CMSS1: variants seen among roughly 807,000 people sequenced by gnomAD.
CMSS1 encodes the protein cms1 ribosomal small subunit homolog, also known as protein CMSS1.
A neutral mutation model predicts 43.5 loss-of-function variants in CMSS1; 33 were observed. The ratio of observed to expected loss-of-function variants is 0.76; its 90% CI spans 0.57 to 1.01. CMSS1 has a LOEUF of 1.01. Ranked by LOEUF, CMSS1 falls within the 50% of genes least tolerant of loss-of-function variation. The probability of loss-of-function intolerance (pLI) is 0.00; values close to 1 mark genes in which losing one functional copy is unlikely to be tolerated. For synonymous variants in CMSS1, 115 were observed against 117.2 expected (o/e 0.98, Z 0.12); for missense variants, 313 against 326.4 (o/e 0.96, Z 0.32).
chr3:100,155,104 C>A (rs954117734), intron 2 of CMSS1, among the ~76,000 whole-genome samples: 1 of 152,164 alleles, frequency 6.6e-6, no homozygotes, highest in African/African-American at 2.4e-5. Context: ...CTTGACTTAT[C>A]GATTTCTGAC....
chr3:100,171,227 CT>C (rs1353203719), intron 6 of CMSS1, among the ~76,000 whole-genome samples: 1 of 151,864 alleles, frequency 6.6e-6, no homozygotes, highest in African/African-American at 2.4e-5. Context: ...CCCTTCCTTC[CT>C]TCCTTCTTTT....
intron 1 of CMSS1, among the ~76,000 whole-genome samples, chr3:99,897,762 G>T (rs1706305832): frequency 6.6e-6 from 1 of 152,096 alleles, no homozygotes; most frequent in African/African-American, 2.4e-5. Context: ...GACCAGATGG[G>T]GATGTCCAGG....
intron 1 of CMSS1, among the ~76,000 whole-genome samples, chr3:99,835,247 A>G (rs1385670063): frequency 6.6e-6 from 1 of 152,226 alleles, no homozygotes; most frequent in Non-Finnish European, 1.5e-5. Context: ...AGGCCCACTC[A>G]CATGTCCTTT....
chr3:99,833,286 A>G (rs765200189), intron 1 of CMSS1: 71 of 1,595,234 alleles, frequency 4.5e-5, no homozygotes, highest in Non-Finnish European at 6.0e-5. Flanking sequence ...AAAGAAGAGG[A>G]GTAAATTTGT....
chr3:100,072,855 C>T (rs543632099), intron 1 of CMSS1, among the ~76,000 whole-genome samples: 1 of 152,148 alleles, frequency 6.6e-6, no homozygotes, highest in Non-Finnish European at 1.5e-5. Flanking sequence ...TCTCCTTCCC[C>T]CATAAACTAC....
chr3:100,051,396 T>A (rs1181307352), intron 1 of CMSS1: 2 of 151,984 alleles, frequency 1.3e-5, no homozygotes, highest in Admixed American at 1.3e-4. Context: ...AGGGTACATG[T>A]GCACAATGTG....
At chr3:99,984,762 G>T (rs757423423) in intron 1 of CMSS1, among the ~76,000 whole-genome samples, 1 of 152,156 alleles carries the variant, frequency 6.6e-6, no homozygotes, top group Non-Finnish European at 1.5e-5. Flanking sequence ...TCAGAATTCT[G>T]CCTGGTTGAG....
intron 1 of CMSS1, among the ~76,000 whole-genome samples, chr3:99,844,793 C>A (rs1256285290): frequency 6.6e-6 from 1 of 152,142 alleles, no homozygotes; most frequent in African/African-American, 2.4e-5. Context: ...TCTTGTGATA[C>A]TGAGGGAGTT....
chr3:99,929,010 T>C (rs1253474143), intron 1 of CMSS1, among the ~76,000 whole-genome samples: 1 of 152,222 alleles, frequency 6.6e-6, no homozygotes, highest in East Asian at 1.9e-4. Context: ...AGGTCAGTCC[T>C]GAGGTAGGTT....
intron 1 of CMSS1, among the ~76,000 whole-genome samples, chr3:100,116,708 C>T (rs964259220): frequency 4.6e-5 from 7 of 152,160 alleles, no homozygotes; most frequent in African/African-American, 1.7e-4. Flanking sequence ...AATCTAACAC[C>T]ATAGACATAA....
intron 1 of CMSS1, among the ~76,000 whole-genome samples, chr3:100,052,056 T>G (rs1290097911): frequency 1.3e-5 from 2 of 152,002 alleles, no homozygotes; most frequent in East Asian, 3.8e-4. Context: ...TGATCTATAT[T>G]ATTATGTCAT....
chr3:100,018,538 A>AT (rs1710410515), intron 1 of CMSS1, among the ~76,000 whole-genome samples: 1 of 152,138 alleles, frequency 6.6e-6, no homozygotes, highest in Admixed American at 6.6e-5. Context: ...ATCTCACACC[A>AT]TCTACGAAAA....
At chr3:100,078,566 C>G (rs965304809) in intron 1 of CMSS1, among the ~76,000 whole-genome samples, 1 of 151,858 alleles carries the variant, frequency 6.6e-6, no homozygotes, top group Admixed American at 6.6e-5. Flanking sequence ...TAAAATACAC[C>G]AACACTAGCG....
intron 1 of CMSS1, among the ~76,000 whole-genome samples, chr3:100,100,663 C>T (rs931404611): frequency 6.6e-6 from 1 of 152,144 alleles, no homozygotes; most frequent in African/African-American, 2.4e-5. Flanking sequence ...AATGAAAATA[C>T]AGTAAATGAA....
At chr3:100,008,483 C>T (rs1445425604) in intron 1 of CMSS1, among the ~76,000 whole-genome samples, 1 of 152,140 alleles carries the variant, frequency 6.6e-6, no homozygotes, top group Non-Finnish European at 1.5e-5. Context: ...TTCTCATTCT[C>T]CAGGACTTCT....
intron 7 of CMSS1, 150 bp downstream of exon 7, chr3:100,172,049 T>A: frequency 1.5e-6 from 1 of 676,274 alleles, no homozygotes; most frequent in Non-Finnish European, 2.5e-6. Flanking sequence ...TTAAATTCTA[T>A]GCTTCTGCAT....
chr3:100,049,081 G>GA (rs956701491), intron 1 of CMSS1, among the ~76,000 whole-genome samples: 2 of 152,078 alleles, frequency 1.3e-5, no homozygotes, highest in Admixed American at 6.6e-5. Flanking sequence ...AATTTAACTG[G>GA]AAAAAAACTG....
chr3:100,174,685 C>T (rs1356601576), intron 8 of CMSS1, among the ~76,000 whole-genome samples: 1 of 152,136 alleles, frequency 6.6e-6, no homozygotes, highest in African/African-American at 2.4e-5. Context: ...ACACCAATAG[C>T]ATATATGTAG....
intron 6 of CMSS1, among the ~76,000 whole-genome samples, 159 bp downstream of exon 6, chr3:100,167,999 A>T (rs1559778187): frequency 2.6e-5 from 4 of 152,238 alleles, no homozygotes; most frequent in African/African-American, 9.6e-5. Context: ...TAATAAACAA[A>T]TGAAGATACA....
Sources: gnomAD v4.1 joint callset for allele counts (sites outside exome capture counted in the v4.1 genomes callset) on GRCh38, gnomAD v4.1.1 for gene constraint, MANE v1.5 for transcripts, NCBI Gene and HGNC (gene_info 2026-07-23, HGNC 2026-07-21) for gene names.